The following ARID4B variants were observed in gnomAD, a reference collection of about 807,000 sequenced individuals.
ARID4B encodes the protein AT-rich interaction domain 4B.
ARID4B carries 26 observed loss-of-function variants against 147.5 expected under a neutral mutation model. The observed-to-expected ratio is 0.18, with a 90% CI of 0.13 to 0.24. The LOEUF (loss-of-function observed/expected upper bound fraction) is 0.24, where lower values mean the gene tolerates loss of function less well. ARID4B is among the 10% of genes least tolerant of loss of function. The pLI is 1.00. For missense variants in ARID4B, 1,179 were observed against 1,511.5 expected (o/e 0.78, Z 3.65); for synonymous variants, 512 against 507.9 (o/e 1.01, Z -0.11).
chr1:235,172,383 C>A (rs1272323587), intron 23 of ARID4B, among the ~76,000 whole-genome samples: 1 of 152,062 alleles, frequency 6.6e-6, no homozygotes, highest in African/African-American at 2.4e-5. Context: ...TAGAGACCAG[C>A]CTGATTGACA....
intron 8 of ARID4B, among the ~76,000 whole-genome samples, chr1:235,236,862 A>ATTTTTTTTTTTTTT (rs869157061): frequency 5.7e-5 from 1 of 17,492 alleles, no homozygotes; most frequent in African/African-American, 2.2e-4. Flanking sequence ...ATATATATAT[A>ATTTTTTTTTTTTTT]TTTTTTTTTT....
At chr1:235,208,374 TAAG>T (rs2102995197) in intron 17 of ARID4B, among the ~76,000 whole-genome samples, 1 of 152,302 alleles carries the variant, frequency 6.6e-6, no homozygotes, top group Non-Finnish European at 1.5e-5. Context: ...TTAACATCAC[TAAG>T]AAAAGTTAAA....
intron 21 of ARID4B, chr1:235,176,992 T>C (rs1464168102): frequency 8.6e-6 from 4 of 466,978 alleles, no homozygotes; most frequent in Non-Finnish European, 1.8e-5. Flanking sequence ...AAATACAGTA[T>C]ATATATTTTC....
chr1:235,251,233 G>C (rs1443553079), intron 6 of ARID4B, among the ~76,000 whole-genome samples: 1 of 148,140 alleles, frequency 6.8e-6, no homozygotes, highest in Non-Finnish European at 1.5e-5. Flanking sequence ...AAAAAAAAAA[G>C]GTCCTAAAAC....
In ARID4B at chr1:235,213,774, A is replaced by G; in HGVS notation, c.1836T>C (p.Asn612=). The G allele has an allele frequency of 6.2e-7, 1 of 1,611,152 alleles. No homozygotes were observed. Among genetic ancestry groups the G allele is most frequent in the South Asian group, 1.1e-5 (1 of 90,696 alleles). The change falls in exon 17 of 24, where the codon AAT becomes AAC. Residue 612 remains asparagine (N), a synonymous_variant. Coordinates refer to ENST00000264183, the MANE Select transcript of ARID4B (RefSeq NM_016374.6). ...VLYLVHYCGW[N]VRYDEWIKAD... ...CTAGCTAAAACTCAAGTTACCTCAC[A>G]TTCCATCCGCAGTAATGCACCAAGT...
At chr1:235,279,766 G>C (rs1427331729) in intron 2 of ARID4B, among the ~76,000 whole-genome samples, 2 of 152,170 alleles carry the variant, frequency 1.3e-5, no homozygotes, top group African/African-American at 4.8e-5. Flanking sequence ...TTCATTATCA[G>C]AGTCTAGAAT....
intron 6 of ARID4B, among the ~76,000 whole-genome samples, chr1:235,247,928 C>T (rs561545587): frequency 4.6e-5 from 7 of 152,030 alleles, no homozygotes; most frequent in Non-Finnish European, 8.8e-5. Context: ...GCAGAGGTTG[C>T]GGTGAGCCAA....
At chr1:235,187,052 CTTTTCTTTTTCACTGCATCTTATTCTT>C in intron 19 of ARID4B, 2 of 348,686 alleles carry the variant, frequency 5.7e-6, no homozygotes, top group South Asian at 4.2e-5. Flanking sequence ...GCATCTTATT[CTTTTCTTTTTCACTGCATCTTATTCTT>C]TTTTTTTTTT....
chr1:235,220,114 G>T, intron 15 of ARID4B, 146 bp from the exon 16 acceptor site: 1 of 802,240 alleles, frequency 1.2e-6, no homozygotes, highest in Non-Finnish European at 1.8e-6. Flanking sequence ...CTACTTTAAA[G>T]CTCTAGACAA....
chr1:235,287,372 C>T (rs12748827), intron 2 of ARID4B, among the ~76,000 whole-genome samples: 44,671 of 151,870 alleles, frequency 0.29, 7,678 homozygotes, highest in South Asian at 0.53. Flanking sequence ...TAGAGAGACA[C>T]CCAAACTGCA....
At chr1:235,300,019 G>A (rs558818186) in intron 2 of ARID4B, among the ~76,000 whole-genome samples, 1 of 152,108 alleles carries the variant, frequency 6.6e-6, no homozygotes, top group South Asian at 2.1e-4. Context: ...CTCTACCCTC[G>A]CTCCCCCATA....
chr1:235,252,781 C>T lies in ARID4B; in HGVS notation c.303G>A (p.Leu101=), dbSNP rs1442073230. The T allele has an allele frequency of 1.4e-5, 22 of 1,611,194 alleles. No homozygotes were observed. Among genetic ancestry groups the T allele is most frequent in the Admixed American group, 1.3e-4 (8 of 59,622 alleles). ...VVFDDGDEKT[L]RRSSLCLKGE... ...CTTTCAGGCACAGTGAAGATCGTCT[C>T]AGTGTCTTCTCATCTCCGTCATCAA... The change falls in exon 6 of 24, where the codon CTG becomes CTA. Residue 101 remains leucine (L), a synonymous_variant. Transcript: ENST00000264183.
At chr1:235,255,212 C>T (rs1251154797) in intron 5 of ARID4B, among the ~76,000 whole-genome samples, 1 of 94,858 alleles carries the variant, frequency 1.1e-5, no homozygotes. Flanking sequence ...TTGTTTCCTG[C>T]TGGGAGCTAG....
intron 8 of ARID4B, among the ~76,000 whole-genome samples, chr1:235,236,951 C>T (rs1199747524): frequency 7.5e-6 from 1 of 133,040 alleles, no homozygotes; most frequent in Non-Finnish European, 1.6e-5. Context: ...CAGATCACTG[C>T]AGCCTCCGCC....
chr1:235,184,371 T>C (rs895553454), intron 19 of ARID4B, among the ~76,000 whole-genome samples: 2 of 151,718 alleles, frequency 1.3e-5, no homozygotes, highest in African/African-American at 2.4e-5. Flanking sequence ...CCCCACTTTA[T>C]AGTTCAAGAG....
chr1:235,209,563 G>GTTTTTTTTTTTTTTTTTTTTTTTTTTT (rs374681138), intron 17 of ARID4B, among the ~76,000 whole-genome samples: 1 of 137,160 alleles, frequency 7.3e-6, no homozygotes, highest in Admixed American at 7.2e-5. Flanking sequence ...TTTGTTTTTT[G>GTTTTTTTTTTTTTTTTTTTTTTTTTTT]TTTTGTTTTT....
At chr1:235,302,717 C>A (rs1673269504) in intron 2 of ARID4B, among the ~76,000 whole-genome samples, 1 of 152,168 alleles carries the variant, frequency 6.6e-6, no homozygotes. Context: ...CTAATAACTG[C>A]TGTGGGTCAC....
chr1:235,302,166 A>AAAAAAAAAAAAAAAAAG (rs1673203851), intron 2 of ARID4B, among the ~76,000 whole-genome samples: 3 of 146,438 alleles, frequency 2.0e-5, no homozygotes, highest in Non-Finnish European at 3.0e-5. Context: ...AAAAAAAAAA[A>AAAAAAAAAAAAAAAAAG]AAAAAAAAAA....
intron 11 of ARID4B, among the ~76,000 whole-genome samples, chr1:235,227,911 C>A (rs1251787411): frequency 4.0e-5 from 6 of 150,382 alleles, no homozygotes; most frequent in Non-Finnish European, 8.8e-5. Context: ...CAGCTCACTG[C>A]AAGCTCCGCC....
Sources: gnomAD v4.1 joint callset for allele counts (sites outside exome capture counted in the v4.1 genomes callset) on GRCh38, gnomAD v4.1.1 for gene constraint, MANE v1.5 for transcripts, NCBI Gene and HGNC (gene_info 2026-07-23, HGNC 2026-07-21) for gene names.